The following PDE4D variants were observed in gnomAD, a reference collection of about 807,000 sequenced individuals.
PDE4D encodes 3',5'-cyclic-AMP phosphodiesterase 4D.
In PDE4D, 24 loss-of-function variants were observed where a neutral mutation model predicts 87.4. That is an observed-to-expected ratio of 0.27 (90% CI 0.20 to 0.39). The LOEUF is 0.39. Among genes scored for constraint, PDE4D ranks in the 10% least tolerant of loss-of-function variants. The pLI is 1.00. For synonymous variants in PDE4D, 384 were observed against 383.2 expected (o/e 1.00, Z -0.02); for missense variants, 714 against 1,041.0 (o/e 0.69, Z 4.32).
intron 1 of PDE4D, among the ~76,000 whole-genome samples, chr5:60,500,142 G>A (rs964448503): frequency 6.6e-6 from 1 of 151,270 alleles, no homozygotes; most frequent in Admixed American, 6.6e-5. Flanking sequence ...ACCATCTCTA[G>A]AAAAATAAAA....
intron 1 of PDE4D, among the ~76,000 whole-genome samples, chr5:59,849,646 A>T (rs1744385063): frequency 6.6e-6 from 1 of 151,846 alleles, no homozygotes; most frequent in Non-Finnish European, 1.5e-5. Flanking sequence ...TTTTTTTTAA[A>T]TCATACATGG....
chr5:59,445,471 A>G (rs1798213699), intron 1 of PDE4D, among the ~76,000 whole-genome samples: 1 of 152,228 alleles, frequency 6.6e-6, no homozygotes, highest in African/African-American at 2.4e-5. Context: ...ACTGCCTGAA[A>G]ATACAGATTC....
chr5:59,114,251 C>A (rs957452117), intron 5 of PDE4D, among the ~76,000 whole-genome samples: 4 of 151,914 alleles, frequency 2.6e-5, no homozygotes, highest in Non-Finnish European at 4.4e-5. Context: ...TACAAGTATA[C>A]AAACATTTGG....
intron 1 of PDE4D, among the ~76,000 whole-genome samples, chr5:59,519,767 G>A (rs1318913945): frequency 6.6e-6 from 1 of 152,152 alleles, no homozygotes; most frequent in East Asian, 1.9e-4. Flanking sequence ...GACTGGATGG[G>A]CAAAAGCACC....
intron 1 of PDE4D, among the ~76,000 whole-genome samples, chr5:59,252,439 G>A: frequency 6.6e-6 from 1 of 152,120 alleles, no homozygotes; most frequent in East Asian, 1.9e-4. Context: ...AACCAGGTGT[G>A]TAATTGTTTT....
At chr5:58,978,745 G>C (rs1744417984) in intron 11 of PDE4D, among the ~76,000 whole-genome samples, 1 of 151,918 alleles carries the variant, frequency 6.6e-6, no homozygotes, top group African/African-American at 2.4e-5. Context: ...GTATTTTTTT[G>C]TTATTTTTTG....
At chr5:60,111,126 T>C (rs1416148586) in intron 2 of PDE4D, among the ~76,000 whole-genome samples, 1 of 151,984 alleles carries the variant, frequency 6.6e-6, no homozygotes. Flanking sequence ...CTATAATCCA[T>C]TGTGTATTTT....
chr5:60,337,378 T>TACACACACACACACACACAC (rs1561133956), intron 1 of PDE4D, among the ~76,000 whole-genome samples: 2 of 114,584 alleles, frequency 1.7e-5, no homozygotes, highest in African/African-American at 8.2e-5. Context: ...TATATATATA[T>TACACACACACACACACACAC]ATATATATAT....
chr5:60,055,557 T>A (rs1390454827), intron 2 of PDE4D, among the ~76,000 whole-genome samples: 1 of 152,112 alleles, frequency 6.6e-6, no homozygotes, highest in Non-Finnish European at 1.5e-5. Context: ...GGAATAACCA[T>A]AAATGTAATA....
chr5:60,032,165 A>G (rs926526773), intron 2 of PDE4D, among the ~76,000 whole-genome samples: 5 of 152,174 alleles, frequency 3.3e-5, no homozygotes, highest in Admixed American at 6.5e-5. Context: ...AATACAGTAA[A>G]ATCTTATAGA....
At chr5:59,983,202 C>T (rs978533222) in intron 3 of PDE4D, among the ~76,000 whole-genome samples, 3 of 152,076 alleles carry the variant, frequency 2.0e-5, no homozygotes, top group African/African-American at 7.2e-5. Context: ...TGCCTGCCCT[C>T]TTAGTGCTTG....
chr5:59,758,769 T>G (rs976507004), intron 1 of PDE4D, among the ~76,000 whole-genome samples: 4 of 152,184 alleles, frequency 2.6e-5, no homozygotes, highest in Non-Finnish European at 5.9e-5. Flanking sequence ...TTTTTACCCA[T>G]GTAGCATCTA....
At chr5:60,337,140 T>G (rs1757826590) in intron 1 of PDE4D, among the ~76,000 whole-genome samples, 2 of 141,620 alleles carry the variant, frequency 1.4e-5, no homozygotes, top group Non-Finnish European at 1.5e-5. Flanking sequence ...GCCGACATGG[T>G]GAACCCTGTC....
chr5:60,081,477 G>A (rs569457450), intron 2 of PDE4D, among the ~76,000 whole-genome samples: 1 of 152,036 alleles, frequency 6.6e-6, no homozygotes, highest in East Asian at 1.9e-4. Context: ...TTTTAATTGT[G>A]ATATTAGGGT....
At chr5:59,716,067 C>T (rs1231311289) in intron 1 of PDE4D, among the ~76,000 whole-genome samples, 1 of 152,196 alleles carries the variant, frequency 6.6e-6, no homozygotes, top group Non-Finnish European at 1.5e-5. Flanking sequence ...TCTCCTTTGG[C>T]ATTGAGGGTG....
chr5:59,031,630 C>T (rs1435439440), intron 6 of PDE4D, among the ~76,000 whole-genome samples: 1 of 140,818 alleles, frequency 7.1e-6, no homozygotes, highest in African/African-American at 2.6e-5. Flanking sequence ...ATGGCATGAA[C>T]CTGGGAGGCG....
chr5:60,228,922 T>C (rs1271952597), intron 1 of PDE4D, among the ~76,000 whole-genome samples: 3 of 151,922 alleles, frequency 2.0e-5, no homozygotes, highest in African/African-American at 7.3e-5. Flanking sequence ...CCATGTCAGA[T>C]TAAAGAATCA....
chr5:59,530,866 G>T (rs1306367220), intron 1 of PDE4D, among the ~76,000 whole-genome samples: 1 of 152,196 alleles, frequency 6.6e-6, no homozygotes, highest in Non-Finnish European at 1.5e-5. Context: ...AGATCCCTTT[G>T]AAGGGGTATA....
intron 1 of PDE4D, among the ~76,000 whole-genome samples, chr5:59,319,539 T>C (rs928564696): frequency 2.6e-5 from 4 of 152,118 alleles, no homozygotes; most frequent in Non-Finnish European, 5.9e-5. Flanking sequence ...TCATGGAAAT[T>C]ACATAGCTAT....
Sources: allele counts gnomAD v4.1 joint callset (sites outside exome capture counted in the v4.1 genomes callset), GRCh38; gene constraint gnomAD v4.1.1; transcripts MANE v1.5; gene names NCBI Gene and HGNC (gene_info 2026-07-23, HGNC 2026-07-21).